Variants in PIEZO2 observed in about 807,000 individuals in gnomAD.
The protein encoded by PIEZO2 is piezo-type mechanosensitive ion channel component 2.
In PIEZO2, 172 loss-of-function variants were observed where a neutral mutation model predicts 337.3. That is an observed-to-expected ratio of 0.51 (90% CI 0.45 to 0.58). The LOEUF (loss-of-function observed/expected upper bound fraction) is 0.58, where lower values mean the gene tolerates loss of function less well. Ranked by LOEUF, PIEZO2 falls within the 20% of genes least tolerant of loss-of-function variation. The pLI is 0.00. For missense variants in PIEZO2, 3,028 were observed against 3,391.3 expected, an observed-to-expected ratio of 0.89 and a Z score of 2.66; for synonymous variants, 1,251 against 1,228.5, an observed-to-expected ratio of 1.02 and a Z score of -0.38.
intron 20 of PIEZO2, among the ~76,000 whole-genome samples, chr18:10,772,502 C>T (rs1918679): frequency 0.016 from 2,459 of 152,272 alleles, 77 homozygotes; most frequent in African/African-American, 0.057. Flanking sequence ...ATGGAGAGAA[C>T]GTTTCCAGTC....
rs8097709 is a variant in PIEZO2, at chr18:10,942,329, A to T, written c.287-31101T>A. On this transcript the variant is annotated intron_variant, in intron 3 of 55. Coordinates refer to ENST00000674853, the MANE Select transcript of PIEZO2 (RefSeq NM_001378183.1). This position sits in a 1 kb window ranked among gnomAD's most constrained non-coding sequence, Gnocchi z 4.4. ...TATGTGGGAAAGCTTGGAACTCCCTAGAGACTTGTTGAATGGCTTTAACCA... is the reference window on the plus strand; with the variant it reads ...TATGTGGGAAAGCTTGGAACTCCCTTGAGACTTGTTGAATGGCTTTAACCA... Among the ~76,000 whole-genome samples the T allele has an allele frequency of 1.3e-5, 2 of 152,274 alleles. No homozygotes were observed. The highest frequency in any genetic ancestry group is 2.1e-4 in the South Asian group (1 of 4,828).
chr18:10,831,968 C>T (rs866026892), intron 7 of PIEZO2, among the ~76,000 whole-genome samples: 3 of 152,120 alleles, frequency 2.0e-5, no homozygotes, highest in African/African-American at 7.2e-5. Flanking sequence ...ATTAGCTCAA[C>T]GTTCTTCCCA....
Position 10,759,524 on chromosome 18 carries a change from A to C in PIEZO2, c.3715T>G (p.Phe1239Val). 6 of 1,537,296 alleles carry C rather than the reference A, an allele frequency of 3.9e-6. No individual in the cohort carries two copies. The highest frequency in any genetic ancestry group is 5.2e-6 in the Non-Finnish European group (6 of 1,146,936). The stretch of plus-strand genomic sequence containing the variant: ...TTGGGCCGCACAATGAAATCTGGGA[A>C]GTACAGCCACTTTATGATGTTGTCA... ...FNDNIIKWLY[F>V]PDFIVRPNPV... The change falls in exon 26 of 56, where the codon TTC becomes GTC. Residue 1239 changes from phenylalanine to valine, a missense_variant. By Grantham distance (50) the Phe-to-Val change is conservative. Around this residue, in one of 5 missense-constraint regions of PIEZO2, gnomAD observed 1,925 missense variants for 2,051.9 expected, o/e 0.94. Transcript: ENST00000674853. This position sits in a 1 kb window ranked among gnomAD's most constrained non-coding sequence, Gnocchi z 5.5.
chr18:10,770,027 G>A, intron 21 of PIEZO2, 121 bp downstream of exon 21: 1 of 1,063,160 alleles, frequency 9.4e-7, no homozygotes, highest in Non-Finnish European at 1.3e-6. Context: ...ACTTAGTCTT[G>A]GAGTCTTGAT....
chr18:10,684,848 T>G (rs1029051681), intron 49 of PIEZO2, among the ~76,000 whole-genome samples: 1 of 152,164 alleles, frequency 6.6e-6, no homozygotes, highest in Non-Finnish European at 1.5e-5. Context: ...AACTCTTTCT[T>G]TTTTATTTTT....
rs1347701684 is a variant in PIEZO2 at position 10,824,355 on chromosome 18, C to T, written c.918-17081G>A. 6.6e-6 allele frequency among the ~76,000 whole-genome samples: 1 copy of T among 152,172 alleles called. No individual in the cohort carries two copies. The highest frequency in any genetic ancestry group is 2.4e-5 in the African/African-American group (1 of 41,454). ...GCCTTGGTTTCCCATCTGCAGCTTT[C>T]TCTGCTGGAGTTTTTCAAAACTTCT... On this transcript the variant is annotated intron_variant, in intron 7 of 55. Coordinates refer to ENST00000674853, the MANE Select transcript of PIEZO2 (RefSeq NM_001378183.1). This position sits in a 1 kb window ranked among gnomAD's most constrained non-coding sequence, Gnocchi z 4.4.
intron 7 of PIEZO2, among the ~76,000 whole-genome samples, chr18:10,818,643 G>T (rs978817069): frequency 6.6e-6 from 1 of 152,170 alleles, no homozygotes; most frequent in Non-Finnish European, 1.5e-5. Flanking sequence ...TATCTCATCT[G>T]TACTTCTTAT....
rs904553731 is a variant in PIEZO2, at chr18:10,805,095, G to A, written c.1081-1101C>T. On this transcript the variant is annotated intron_variant, in intron 8 of 55. Transcript: ENST00000674853. ...TATCGCATGGACCCAAAGTTATAAC[G>A]GAGCCCTCATCAAGCTACTGCATTA... Among the ~76,000 whole-genome samples, 27 of 152,290 alleles carry A rather than the reference G, an allele frequency of 1.8e-4. No individual in the cohort carries two copies. The South Asian group carries it at 4.8e-3, about 27-fold the overall frequency.
chr18:11,006,808 T>C (rs2145634689), intron 2 of PIEZO2, among the ~76,000 whole-genome samples: 1 of 152,246 alleles, frequency 6.6e-6, no homozygotes, highest in Admixed American at 6.5e-5. Context: ...ATGTTCTTAG[T>C]AAAAAAATTA....
intron 1 of PIEZO2, among the ~76,000 whole-genome samples, chr18:11,072,187 C>T (rs1452376989): frequency 6.6e-6 from 1 of 152,170 alleles, no homozygotes; most frequent in Non-Finnish European, 1.5e-5. Flanking sequence ...TTTGTTATCT[C>T]TGTCATCTCC....
At chr18:10,774,943 T>C (rs2038734293) in intron 18 of PIEZO2, among the ~76,000 whole-genome samples, 1 of 152,220 alleles carries the variant, frequency 6.6e-6, no homozygotes, top group South Asian at 2.1e-4. Context: ...GGAAGTTTGA[T>C]TAGATAAAAT....
In PIEZO2 at chr18:11,146,221, C is replaced by T. The variant is rs916891431; in HGVS notation, c.64+2304G>A. On this transcript the variant is annotated intron_variant, in intron 1 of 55. Transcript: ENST00000674853. The surrounding 1 kb of genome is among the most constrained non-coding windows in gnomAD (Gnocchi z 6.1). ...AGACTCAGCTGTCCCCGAGGCAAGA[C>T]GCAGTTTGCATGTTGGCCAAGGTTA... 2.4e-4 allele frequency among the ~76,000 whole-genome samples: 37 copies of T among 152,248 alleles called. No homozygotes were observed. Among genetic ancestry groups the T allele is most frequent in the East Asian group, 7.7e-4 (4 of 5,168 alleles).
In PIEZO2 at chr18:11,027,174, G is replaced by A. The variant is rs1004616203; in HGVS notation, c.160+38953C>T. Among the ~76,000 whole-genome samples the A allele has an allele frequency of 6.6e-6, 1 of 152,192 alleles. No individual in the cohort carries two copies. The highest frequency in any genetic ancestry group is 2.4e-5 in the African/African-American group (1 of 41,444). ...TAGGAGCCAGAATTCAAGGGGCTTG[G>A]GGATGGAATTTGAAGAGACCCCAGA... On this transcript the variant is annotated intron_variant, in intron 2 of 55. Coordinates refer to ENST00000674853, the MANE Select transcript of PIEZO2 (RefSeq NM_001378183.1). The surrounding 1 kb of genome is among the most constrained non-coding windows in gnomAD (Gnocchi z 4.2).
intron 42 of PIEZO2, among the ~76,000 whole-genome samples, chr18:10,703,709 A>G (rs371537783): frequency 3.1e-3 from 465 of 152,072 alleles, no homozygotes; most frequent in African/African-American, 0.011. Context: ...TATGGTTTTC[A>G]TGGGCATTCG....
rs2625347 is a variant in PIEZO2 at position 11,038,971 on chromosome 18, T to A, written c.160+27156A>T. Reference sequence around the variant, plus strand: ...CATAGGTGGATAGGTGTTTGATATATCCTTACGCAAAATAACTGGGCAAAA... The same window carrying A: ...CATAGGTGGATAGGTGTTTGATATAACCTTACGCAAAATAACTGGGCAAAA... On this transcript the variant is annotated intron_variant, in intron 2 of 55. Transcript: ENST00000674853. The surrounding 1 kb of genome is among the most constrained non-coding windows in gnomAD (Gnocchi z 4.1). Among the ~76,000 whole-genome samples the A allele has an allele frequency of 0.25, 37,369 of 152,056 alleles. 4,706 individuals are homozygous for A. The highest frequency in any genetic ancestry group is 0.37 in the East Asian group (1,891 of 5,172).
At chr18:11,015,418 A>G (rs531638743) in intron 2 of PIEZO2, among the ~76,000 whole-genome samples, 46 of 152,330 alleles carry the variant, frequency 3.0e-4, no homozygotes, top group Non-Finnish European at 5.6e-4. Context: ...TGGAGAGCTC[A>G]AAAGAGAATA....
chr18:10,967,622 A>G (rs2034065411), intron 3 of PIEZO2, among the ~76,000 whole-genome samples: 1 of 151,874 alleles, frequency 6.6e-6, no homozygotes, highest in South Asian at 2.1e-4. Flanking sequence ...ATTTTTTTTT[A>G]TTATGGCCAT....
At position 10,940,590 on chromosome 18, in the gene PIEZO2, A is replaced by G. The variant is rs982711960; in HGVS notation, c.287-29362T>C. Among the ~76,000 whole-genome samples the G allele has an allele frequency of 6.6e-6, 1 of 152,226 alleles. No homozygotes were observed. Among genetic ancestry groups the G allele is most frequent in the Non-Finnish European group, 1.5e-5 (1 of 68,038 alleles). Reference sequence around the variant, plus strand: ...ATGTCTAAAAGAATTCAGGCCGGGCACTGCTGCTCATGCCTGTAATCCCAA... The same window carrying G: ...ATGTCTAAAAGAATTCAGGCCGGGCGCTGCTGCTCATGCCTGTAATCCCAA... On this transcript the variant is annotated intron_variant, in intron 3 of 55. Coordinates refer to ENST00000674853, the MANE Select transcript of PIEZO2 (RefSeq NM_001378183.1). The surrounding 1 kb of genome is among the most constrained non-coding windows in gnomAD (Gnocchi z 5.3).
chr18:10,927,401 G>T (rs1025537056), intron 3 of PIEZO2, among the ~76,000 whole-genome samples: 5 of 152,276 alleles, frequency 3.3e-5, no homozygotes, highest in African/African-American at 9.6e-5. Flanking sequence ...AGGTTGCAGC[G>T]CAGGCCGTGG....
Sources: gnomAD v4.1 joint callset for allele counts (sites outside exome capture counted in the v4.1 genomes callset) on GRCh38, gnomAD v4.1.1 for gene constraint, gnomAD v4.1.1 regional missense constraint, Gnocchi (gnomAD v3.1) non-coding constraint, MANE v1.5 for transcripts, NCBI Gene and HGNC (gene_info 2026-07-23, HGNC 2026-07-21) for gene names.